PRICKLE2: variants seen among roughly 807,000 people sequenced by gnomAD.
PRICKLE2 encodes the protein prickle-like protein 2.
In PRICKLE2, 21 loss-of-function variants were observed where a neutral mutation model predicts 81.4. The ratio of observed to expected loss-of-function variants is 0.26; its 90% CI spans 0.18 to 0.37. The LOEUF (loss-of-function observed/expected upper bound fraction) is 0.37. Ranked by LOEUF, PRICKLE2 falls within the 10% of genes least tolerant of loss-of-function variation. The pLI is 1.00. For synonymous variants in PRICKLE2, 456 were observed against 421.5 expected (o/e 1.08, Z -1.00); for missense variants, 940 against 1,109.0 (o/e 0.85, Z 2.16).
intron 2 of PRICKLE2, among the ~76,000 whole-genome samples, chr3:64,256,402 AT>A (rs886336113): frequency 2.0e-5 from 3 of 152,190 alleles, no homozygotes; most frequent in African/African-American, 7.2e-5. Context: ...GTCAAAAAAA[AT>A]CTGTGGAAAT....
chr3:64,148,305 T>C (rs1268746508), intron 6 of PRICKLE2, among the ~76,000 whole-genome samples: 1 of 152,210 alleles, frequency 6.6e-6, no homozygotes, highest in African/African-American at 2.4e-5. Flanking sequence ...TCTCCATTAC[T>C]CTCCACCCTT....
chr3:64,097,967 C>G lies in PRICKLE2; in HGVS notation c.*1084G>C, dbSNP rs1424144894. The G allele has an allele frequency of 1.3e-5, 2 of 152,660 alleles. No homozygotes were observed. Among genetic ancestry groups the G allele is most frequent in the African/African-American group, 2.4e-5 (1 of 41,448 alleles). 9.5% of individuals were successfully genotyped at this position (152,660 alleles called of 1,614,324 possible). A position where few individuals can be genotyped will look rare whatever the true frequency, so the allele number is the denominator to read the frequency against. On this transcript the variant is annotated 3_prime_UTR_variant, in exon 8 of 8. Coordinates refer to ENST00000638394, the MANE Select transcript of PRICKLE2 (RefSeq NM_198859.4). Reference sequence around the variant, plus strand: ...GCCCCCTCAGAATCCTTCTGTCCCTCAATCCCAAATGCTTAAGTTCATTTG... The same window carrying G: ...GCCCCCTCAGAATCCTTCTGTCCCTGAATCCCAAATGCTTAAGTTCATTTG...
At chr3:64,158,508 T>C (rs758445397) in intron 4 of PRICKLE2, among the ~76,000 whole-genome samples, 3 of 152,244 alleles carry the variant, frequency 2.0e-5, no homozygotes, top group Non-Finnish European at 2.9e-5. Context: ...GTCAAGGTCA[T>C]CTGGAAGAAA....
chr3:64,146,486 G>A (rs1445778213), intron 7 of PRICKLE2: 2 of 300,446 alleles, frequency 6.7e-6, no homozygotes, highest in Non-Finnish European at 1.3e-5. Flanking sequence ...GCTCACGCCT[G>A]TAATCCTACC....
chr3:64,108,537 A>G (rs778519388), intron 7 of PRICKLE2, among the ~76,000 whole-genome samples: 6 of 152,154 alleles, frequency 3.9e-5, no homozygotes, highest in Admixed American at 1.3e-4. Flanking sequence ...GGGTGGGGAC[A>G]GAAAGAGGAG....
At position 64,181,267 on chromosome 3, in the gene PRICKLE2, G is replaced by C. The variant is rs376022187; in HGVS notation, c.144+17517C>G. On this transcript the variant is annotated intron_variant, in intron 2 of 7. Coordinates refer to ENST00000638394, the MANE Select transcript of PRICKLE2 (RefSeq NM_198859.4). ...AGGAGTGGCATGAGAAGCAACAAAA[G>C]GTGTTAGCCAACAATTGTGAGAGAC... 2.0e-5 allele frequency among the ~76,000 whole-genome samples: 3 copies of C among 152,064 alleles called. No homozygotes were observed. The South Asian group carries it at 6.2e-4, about 32-fold the overall frequency.
At chr3:64,178,872 C>T (rs538587893) in intron 2 of PRICKLE2, among the ~76,000 whole-genome samples, 211 of 152,256 alleles carry the variant, frequency 1.4e-3, no homozygotes, top group Non-Finnish European at 2.0e-3. Flanking sequence ...ATTGTTGATT[C>T]ATTAACATTT....
intron 2 of PRICKLE2, among the ~76,000 whole-genome samples, chr3:64,238,695 T>C (rs888825222): frequency 6.6e-6 from 1 of 152,120 alleles, no homozygotes; most frequent in Non-Finnish European, 1.5e-5. Flanking sequence ...CCCCTTCTTA[T>C]TAGCTGTGTG....
chr3:64,243,093 C>T (rs1329706713), intron 2 of PRICKLE2, among the ~76,000 whole-genome samples: 1 of 152,108 alleles, frequency 6.6e-6, no homozygotes, highest in Non-Finnish European at 1.5e-5. Context: ...CAACCATGTA[C>T]TGAGAGTGGG....
rs1452314318 is a variant in PRICKLE2 at position 64,097,996 on chromosome 3, T to G, written c.*1055A>C. 1 of 152,664 alleles carries G rather than the reference T, an allele frequency of 6.6e-6. No homozygotes were observed. Among genetic ancestry groups the G allele is most frequent in the Non-Finnish European group, 1.5e-5 (1 of 68,040 alleles). The allele number at this position is 152,664 out of a possible 1,614,324, so 9.5% of individuals were successfully genotyped here. A position where few individuals can be genotyped will look rare whatever the true frequency, so the allele number is the denominator to read the frequency against. Reference sequence around the variant, plus strand: ...CCCAAATGCTTAAGTTCATTTGCTTTGAGGACAACCGGTTGTCAGGCTAAG... The same window carrying G: ...CCCAAATGCTTAAGTTCATTTGCTTGGAGGACAACCGGTTGTCAGGCTAAG... On this transcript the variant is annotated 3_prime_UTR_variant, in exon 8 of 8. Coordinates refer to ENST00000638394, the MANE Select transcript of PRICKLE2 (RefSeq NM_198859.4).
chr3:64,246,179 T>C (rs2079349384), intron 2 of PRICKLE2, among the ~76,000 whole-genome samples: 1 of 152,094 alleles, frequency 6.6e-6, no homozygotes, highest in Non-Finnish European at 1.5e-5. Context: ...GAGGCAGAGG[T>C]TGCAGTGAGC....
chr3:64,201,775 C>T (rs1176087857), intron 1 of PRICKLE2, among the ~76,000 whole-genome samples: 1 of 151,788 alleles, frequency 6.6e-6, no homozygotes, highest in Admixed American at 6.6e-5. Context: ...GTTGCTGTTG[C>T]TTTTGTTTTT....
At chr3:64,232,193 G>A (rs1475086482) in intron 2 of PRICKLE2, among the ~76,000 whole-genome samples, 1 of 152,184 alleles carries the variant, frequency 6.6e-6, no homozygotes, top group African/African-American at 2.4e-5. Context: ...CTTGGTCAAT[G>A]TTAACGATTA....
intron 1 of PRICKLE2, among the ~76,000 whole-genome samples, chr3:64,204,396 TA>T (rs2078643920): frequency 6.6e-6 from 1 of 152,174 alleles, no homozygotes; most frequent in East Asian, 1.9e-4. Flanking sequence ...CCAGAGTGGT[TA>T]AGTGGCTTGT....
Position 64,099,289 on chromosome 3 carries a change from C to T in PRICKLE2, c.2297G>A (p.Gly766Glu), listed in dbSNP as rs746999335. The T allele has an allele frequency of 6.2e-7, 1 of 1,614,062 alleles. No homozygotes were observed. Among genetic ancestry groups the T allele is most frequent in the African/African-American group, 1.3e-5 (1 of 74,924 alleles). The change falls in exon 8 of 8, where the codon GGA becomes GAA. Residue 766 changes from glycine (G) to glutamate (E), a missense_variant. Gly to Glu is a moderately conservative substitution (Grantham distance 98, BLOSUM62 -2). This residue lies in a region of PRICKLE2 where 670 missense variants were observed against 717.2 expected (regional missense o/e 0.93). Coordinates refer to ENST00000638394, the MANE Select transcript of PRICKLE2 (RefSeq NM_198859.4). The surrounding 1 kb of genome is among the most constrained non-coding windows in gnomAD (Gnocchi z 4.3). ...ALQNAFGDRW[G>E]PYFAEYDWCS... ...CCAATCATACTCGGCGAAGTAGGGT[C>T]CCCAGCGGTCCCCAAAGGCATTCTG...
chr3:64,214,054 T>G (rs1381123533), intron 1 of PRICKLE2, among the ~76,000 whole-genome samples: 1 of 152,184 alleles, frequency 6.6e-6, no homozygotes, highest in Non-Finnish European at 1.5e-5. Flanking sequence ...TAGGCCGCCT[T>G]TCATCCAGGG....
chr3:64,098,569 G>A lies in PRICKLE2; in HGVS notation c.*482C>T, dbSNP rs2076603225. On this transcript the variant is annotated 3_prime_UTR_variant, in exon 8 of 8. Transcript: ENST00000638394. ...CATGCAAGTCCCCACTGAGTCCTAC[G>A]ATATAGAAATTCCTTTGATATTACA... 5.9e-6 allele frequency: 1 copy of A among 170,568 alleles called. No individual in the cohort carries two copies. The highest frequency in any genetic ancestry group is 1.3e-5 in the Non-Finnish European group (1 of 78,716). The allele number at this position is 170,568 out of a possible 1,614,324, so 10.6% of individuals were successfully genotyped here. A position where few individuals can be genotyped will look rare whatever the true frequency, so the allele number is the denominator to read the frequency against.
At chr3:64,186,370 T>C (rs549094952) in intron 2 of PRICKLE2, among the ~76,000 whole-genome samples, 6 of 152,200 alleles carry the variant, frequency 3.9e-5, no homozygotes, top group African/African-American at 9.6e-5. Flanking sequence ...TTGGCCAATG[T>C]TGGAAAGCAG....
intron 2 of PRICKLE2, among the ~76,000 whole-genome samples, chr3:64,263,480 T>C (rs892039858): frequency 2.0e-5 from 3 of 152,328 alleles, no homozygotes; most frequent in African/African-American, 7.2e-5. Flanking sequence ...GAGGCTTTGT[T>C]CAGTCTCTGC....
Sources: gnomAD v4.1 joint callset for allele counts (sites outside exome capture counted in the v4.1 genomes callset) on GRCh38, gnomAD v4.1.1 for gene constraint, gnomAD v4.1.1 regional missense constraint, Gnocchi (gnomAD v3.1) non-coding constraint, MANE v1.5 for transcripts, NCBI Gene and HGNC (gene_info 2026-07-23, HGNC 2026-07-21) for gene names.